The following NRL variants were observed in gnomAD, a reference collection of about 807,000 sequenced individuals.
NRL encodes neural retina leucine zipper.
A neutral mutation model predicts 12.5 loss-of-function variants in NRL; 16 were observed. The observed-to-expected ratio is 1.28, with a 90% CI of 0.87 to 1.95. The LOEUF (loss-of-function observed/expected upper bound fraction) is 1.95, where lower values mean the gene tolerates loss of function less well. Among genes scored for constraint, NRL ranks in the 30% most tolerant of loss-of-function variants. The probability of loss-of-function intolerance (pLI) is 0.00; values close to 1 mark genes in which losing one functional copy is unlikely to be tolerated. For synonymous variants in NRL, 142 were observed against 150.9 expected (o/e 0.94, Z 0.43); for missense variants, 314 against 325.8 (o/e 0.96, Z 0.28).
intron 1 of NRL, chr14:24,102,868 C>T (rs1342609140): frequency 6.2e-7 from 1 of 1,613,962 alleles, no homozygotes; most frequent in Admixed American, 1.7e-5. Flanking sequence ...ACGCCATCAT[C>T]TTTGGTGGCC....
At chr14:24,113,787 C>T (rs79254253) in intron 1 of NRL, among the ~76,000 whole-genome samples, 3,069 of 152,296 alleles carry the variant, frequency 0.02, 102 homozygotes, top group African/African-American at 0.071. Flanking sequence ...CTGGGAGAGG[C>T]CCCAGGAGGG....
In NRL at chr14:24,097,247, G is replaced by C. The variant is rs1051684077; in HGVS notation, c.-27-14372C>G. ...ATCCCAATGGAATGAACAAGAATGA[G>C]AGCTTTGGGGTAAACAGACCCAGAA... On this transcript the variant is annotated intron_variant, in intron 1 of 2. Coordinates refer to ENST00000561028, the MANE Select transcript of NRL (RefSeq NM_001354768.3). The C allele has an allele frequency of 5.8e-6, 6 of 1,031,872 alleles. No homozygotes were observed. In the African/African-American group the frequency reaches 8.0e-5, roughly 14 times the overall value. The allele number at this position is 1,031,872 out of a possible 1,614,324, so 63.9% of individuals were successfully genotyped here.
At position 24,114,914 on chromosome 14, in the gene NRL, G is replaced by C; in HGVS notation, c.-220C>G. 1.0e-6 allele frequency: 1 copy of C among 985,966 alleles called. No individual in the cohort carries two copies. The highest frequency in any genetic ancestry group is 1.2e-6 in the Non-Finnish European group (1 of 829,968). 61.1% of individuals were successfully genotyped at this position (985,966 alleles called of 1,614,324 possible). A position where few individuals can be genotyped will look rare whatever the true frequency, so the allele number is the denominator to read the frequency against. On this transcript the variant is annotated 5_prime_UTR_variant, in exon 1 of 3. Transcript: ENST00000561028. ...TCGCGCCGCTGCGGGTCCTGCGACC[G>C]CTCCTGGCTGGTGGGTGGTCTCGCG...
intron 1 of NRL, among the ~76,000 whole-genome samples, chr14:24,092,126 T>C (rs1408724982): frequency 6.6e-6 from 1 of 152,208 alleles, no homozygotes; most frequent in Non-Finnish European, 1.5e-5. Context: ...CTACTGTCCA[T>C]AGCATAAACA....
chr14:24,103,641 T>G, intron 1 of NRL: 1 of 1,614,138 alleles, frequency 6.2e-7, no homozygotes, highest in South Asian at 1.1e-5. Flanking sequence ...CCATGTCAAC[T>G]GGTTCCGGCG....
Position 24,108,088 on chromosome 14 carries a change from T to C in NRL, c.-28+6634A>G, listed in dbSNP as rs191455581. ...GTCCTTTTGACATGATACATACTCC[T>C]TGCTTCCCGGCTATCTGGTATAAGT... On this transcript the variant is annotated intron_variant, in intron 1 of 2. Transcript: ENST00000561028. Among the ~76,000 whole-genome samples the C allele has an allele frequency of 1.1e-4, 17 of 152,350 alleles. No individual in the cohort carries two copies. In the East Asian group the frequency reaches 2.7e-3, roughly 24 times the overall value.
Position 24,096,827 on chromosome 14 carries a change from T to C in NRL, c.-27-13952A>G, listed in dbSNP as rs2036905847. On this transcript the variant is annotated intron_variant, in intron 1 of 2. Coordinates refer to ENST00000561028, the MANE Select transcript of NRL (RefSeq NM_001354768.3). Reference sequence around the variant, plus strand: ...GGCTGCAGCCCAAGCTTTCTGTCTCTCCACCACCTGCCTTGTCCACTCTCG... The same window carrying C: ...GGCTGCAGCCCAAGCTTTCTGTCTCCCCACCACCTGCCTTGTCCACTCTCG... 10 of 1,474,108 alleles carry C rather than the reference T, an allele frequency of 6.8e-6. No homozygotes were observed. In the African/African-American group the frequency reaches 6.9e-5, roughly 10 times the overall value. 91.3% of individuals were successfully genotyped at this position (1,474,108 alleles called of 1,614,324 possible).
chr14:24,089,272 G>A (rs1373765933), intron 1 of NRL, among the ~76,000 whole-genome samples: 1 of 151,364 alleles, frequency 6.6e-6, no homozygotes, highest in African/African-American at 2.4e-5. Flanking sequence ...TTTTGAGACA[G>A]GGTCTCGCTC....
intron 1 of NRL, among the ~76,000 whole-genome samples, chr14:24,109,189 AAACTGT>A (rs2037381611): frequency 6.6e-6 from 1 of 152,262 alleles, no homozygotes. Flanking sequence ...AGTGCTTCAC[AAACTGT>A]AACCACGCAA....
chr14:24,091,697 G>C (rs144689401), intron 1 of NRL, among the ~76,000 whole-genome samples: 1 of 152,032 alleles, frequency 6.6e-6, no homozygotes, highest in East Asian at 1.9e-4. Flanking sequence ...GTGTGACTTT[G>C]AGCAAATGAC....
chr14:24,099,947 T>A (rs2037089313), intron 1 of NRL: 1 of 1,613,952 alleles, frequency 6.2e-7, no homozygotes, highest in Admixed American at 1.7e-5. Flanking sequence ...GTCTTACATC[T>A]CAAGTTTTCC....
Position 24,088,714 on chromosome 14 carries a change from C to T in NRL, c.-27-5839G>A, listed in dbSNP as rs186286464. On this transcript the variant is annotated intron_variant, in intron 1 of 2. Transcript: ENST00000561028. ...TGGCTGGAGTGCAGTGGTGTGATCT[C>T]GGCTTACTGCAACCTCTGTCTCCTG... 5.0e-4 allele frequency among the ~76,000 whole-genome samples: 72 copies of T among 144,602 alleles called. No homozygotes were observed. In the East Asian group the frequency reaches 0.014, roughly 27 times the overall value. 94.9% of individuals were successfully genotyped at this position (144,602 alleles called of 152,430 possible).
At chr14:24,107,120 A>C (rs2037351298) in intron 1 of NRL, among the ~76,000 whole-genome samples, 1 of 152,220 alleles carries the variant, frequency 6.6e-6, no homozygotes, top group African/African-American at 2.4e-5. Context: ...AAAATCTAGG[A>C]GAGAAAGAAA....
At chr14:24,102,384 C>T (rs1159321185) in intron 1 of NRL, among the ~76,000 whole-genome samples, 1 of 152,174 alleles carries the variant, frequency 6.6e-6, no homozygotes, top group African/African-American at 2.4e-5. Context: ...ATAATAATCT[C>T]ACAAATAATG....
intron 1 of NRL, chr14:24,100,154 AC>A: frequency 6.2e-7 from 1 of 1,613,772 alleles, no homozygotes; most frequent in Non-Finnish European, 8.5e-7. Flanking sequence ...GAGGGCATTG[AC>A]CAGCCTCTTC....
At chr14:24,088,671 G>A (rs1355342429) in intron 1 of NRL, among the ~76,000 whole-genome samples, 7 of 111,524 alleles carry the variant, frequency 6.3e-5, no homozygotes, top group African/African-American at 2.4e-4. Context: ...TTTTTTTTTT[G>A]AGATAGCTCT....
In NRL at chr14:24,094,253, A is replaced by T; in HGVS notation, c.-27-11378T>A. The T allele has an allele frequency of 1.4e-6, 1 of 698,160 alleles. No individual in the cohort carries two copies. The highest frequency in any genetic ancestry group is 2.4e-6 in the Non-Finnish European group (1 of 419,254). 43.2% of individuals were successfully genotyped at this position (698,160 alleles called of 1,614,324 possible). On this transcript the variant is annotated intron_variant, in intron 1 of 2. Transcript: ENST00000561028. The surrounding 1 kb of genome is among the most constrained non-coding windows in gnomAD (Gnocchi z 4.1). The stretch of plus-strand genomic sequence containing the variant: ...GAGGAAAGCTAGTGCCAGCCCTACC[A>T]GGTTCCGCCCCCGCGCCTGCCCCCC...
In NRL at chr14:24,107,632, A is replaced by G. The variant is rs117619967; in HGVS notation, c.-28+7090T>C. 4.0e-4 allele frequency among the ~76,000 whole-genome samples: 61 copies of G among 152,204 alleles called. No homozygotes were observed. The East Asian group carries it at 0.011, about 28-fold the overall frequency. On this transcript the variant is annotated intron_variant, in intron 1 of 2. Transcript: ENST00000561028. ...TGCTCCCATTTAAAATTTTTTTCAT[A>G]TGTCTTTCAAGTCTCTATCAGTCTA...
intron 1 of NRL, among the ~76,000 whole-genome samples, chr14:24,093,706 A>G (rs2036715446): frequency 6.6e-6 from 1 of 151,944 alleles, no homozygotes; most frequent in Non-Finnish European, 1.5e-5. Context: ...GTGCCGGGGG[A>G]GGAGAATGAC....
Sources: allele counts gnomAD v4.1 joint callset (sites outside exome capture counted in the v4.1 genomes callset), GRCh38; gene constraint gnomAD v4.1.1; non-coding constraint Gnocchi (gnomAD v3.1); transcripts MANE v1.5; gene names NCBI Gene and HGNC (gene_info 2026-07-23, HGNC 2026-07-21).